Variants in MAGI2 observed in about 807,000 individuals in gnomAD.
MAGI2 encodes the protein membrane associated guanylate kinase, WW and PDZ domain containing 2.
A neutral mutation model predicts 133.3 loss-of-function variants in MAGI2; 35 were observed. That is an observed-to-expected ratio of 0.26 (90% CI 0.20 to 0.35). The LOEUF is 0.35. Ranked by LOEUF, MAGI2 falls within the 10% of genes least tolerant of loss-of-function variation. MAGI2 has a pLI of 1.00. For missense variants in MAGI2, 1,636 were observed against 1,863.4 expected (o/e 0.88, Z 2.25); for synonymous variants, 729 against 710.6 (o/e 1.03, Z -0.41).
intron 9 of MAGI2, among the ~76,000 whole-genome samples, chr7:78,291,180 G>C (rs1022201357): frequency 1.3e-5 from 2 of 151,992 alleles, no homozygotes; most frequent in African/African-American, 2.4e-5. Flanking sequence ...CTGATAGACC[G>C]CTAGCAAGAC....
chr7:78,037,802 A>G (rs916951332), intron 21 of MAGI2, among the ~76,000 whole-genome samples: 1 of 152,226 alleles, frequency 6.6e-6, no homozygotes, highest in Non-Finnish European at 1.5e-5. Flanking sequence ...ATGGCTGAAA[A>G]AAGATCTCAG....
intron 1 of MAGI2, among the ~76,000 whole-genome samples, chr7:79,343,622 TA>T (rs1158736373): frequency 2.6e-5 from 4 of 152,176 alleles, no homozygotes; most frequent in South Asian, 2.1e-4. Context: ...TATATTCTGT[TA>T]AAAAAATATT....
intron 1 of MAGI2, among the ~76,000 whole-genome samples, chr7:79,136,181 G>A (rs1173833229): frequency 6.6e-6 from 1 of 152,082 alleles, no homozygotes; most frequent in African/African-American, 2.4e-5. Context: ...ATTTACCAGA[G>A]GGAGATGAAA....
intron 20 of MAGI2, among the ~76,000 whole-genome samples, chr7:78,098,918 G>T (rs1000101397): frequency 2.0e-5 from 3 of 151,998 alleles, no homozygotes; most frequent in Non-Finnish European, 4.4e-5. Flanking sequence ...TAAGTACTTT[G>T]CCAATTTTTT....
chr7:79,365,382 C>T (rs2129127078), intron 1 of MAGI2, among the ~76,000 whole-genome samples: 1 of 145,962 alleles, frequency 6.9e-6, no homozygotes, highest in Admixed American at 6.9e-5. Flanking sequence ...ACATTTATTC[C>T]AGAAGAATAA....
intron 1 of MAGI2, among the ~76,000 whole-genome samples, chr7:79,110,675 CT>C (rs1487837412): frequency 6.6e-6 from 1 of 152,062 alleles, no homozygotes; most frequent in Non-Finnish European, 1.5e-5. Context: ...CTTTAGGGGA[CT>C]ATTGAGATGA....
At chr7:78,522,942 C>A (rs959151692) in intron 3 of MAGI2, among the ~76,000 whole-genome samples, 3 of 152,066 alleles carry the variant, frequency 2.0e-5, no homozygotes, top group African/African-American at 2.4e-5. Context: ...TCCTTGTCTT[C>A]CAAGATGCTC....
chr7:79,105,152 G>A (rs934092485), intron 1 of MAGI2, among the ~76,000 whole-genome samples: 6 of 152,180 alleles, frequency 3.9e-5, no homozygotes, highest in African/African-American at 7.2e-5. Context: ...GCAGTTATGC[G>A]AGTTTCATAT....
At chr7:78,948,436 G>A (rs180886447) in intron 2 of MAGI2, among the ~76,000 whole-genome samples, 136 of 152,002 alleles carry the variant, frequency 8.9e-4, no homozygotes, top group African/African-American at 3.1e-3. Flanking sequence ...TTTATACTCT[G>A]ATATGAAAGG....
chr7:78,980,425 C>T (rs955535885), intron 2 of MAGI2, among the ~76,000 whole-genome samples: 3 of 151,812 alleles, frequency 2.0e-5, no homozygotes, highest in Non-Finnish European at 2.9e-5. Context: ...GTACAGAGCA[C>T]GTACTTGGCC....
intron 20 of MAGI2, among the ~76,000 whole-genome samples, chr7:78,100,355 T>C (rs965493345): frequency 2.6e-5 from 4 of 152,106 alleles, no homozygotes; most frequent in Non-Finnish European, 5.9e-5. Context: ...TTGGGCCACT[T>C]CTTTTTTTCT....
At chr7:78,813,523 C>A (rs934000266) in intron 2 of MAGI2, among the ~76,000 whole-genome samples, 1 of 152,102 alleles carries the variant, frequency 6.6e-6, no homozygotes, top group African/African-American at 2.4e-5. Flanking sequence ...CGATGGCTCA[C>A]GCCTGTAATC....
intron 2 of MAGI2, among the ~76,000 whole-genome samples, chr7:78,663,948 G>A (rs917584976): frequency 6.6e-6 from 1 of 152,126 alleles, no homozygotes; most frequent in African/African-American, 2.4e-5. Context: ...ATAATACATT[G>A]CAACATTTTT....
At chr7:78,241,962 C>T (rs1016884570) in intron 10 of MAGI2, among the ~76,000 whole-genome samples, 4 of 149,622 alleles carry the variant, frequency 2.7e-5, no homozygotes, top group Non-Finnish European at 4.4e-5. Flanking sequence ...CACCTGATCA[C>T]CTGATGACGT....
intron 1 of MAGI2, among the ~76,000 whole-genome samples, chr7:79,069,801 T>C (rs557110294): frequency 6.6e-5 from 10 of 152,322 alleles, no homozygotes; most frequent in Non-Finnish European, 1.5e-4. Flanking sequence ...GCAGGCCTGG[T>C]GGTGACAAAA....
intron 2 of MAGI2, among the ~76,000 whole-genome samples, chr7:78,889,141 CAA>C (rs1796521598): frequency 6.6e-6 from 1 of 151,746 alleles, no homozygotes. Context: ...GGTGGAAGAT[CAA>C]ATTAATAAAA....
intron 9 of MAGI2, among the ~76,000 whole-genome samples, chr7:78,298,127 T>C (rs1054847434): frequency 3.9e-5 from 6 of 152,126 alleles, no homozygotes; most frequent in African/African-American, 1.4e-4. Context: ...ATAGTCTCAG[T>C]ATAATCATGA....
At chr7:78,324,846 T>A (rs798301) in intron 9 of MAGI2, among the ~76,000 whole-genome samples, 77,410 of 151,824 alleles carry the variant, frequency 0.51, 20,127 homozygotes, top group African/African-American at 0.56. Context: ...GGCGCCTGTA[T>A]TCCCAGCTAC....
At chr7:79,374,347 C>A (rs561001388) in intron 1 of MAGI2, among the ~76,000 whole-genome samples, 238 of 151,578 alleles carry the variant, frequency 1.6e-3, no homozygotes, top group Non-Finnish European at 2.8e-3. Flanking sequence ...CACACACACA[C>A]AAAAGACAAT....
Sources: allele counts gnomAD v4.1 joint callset (sites outside exome capture counted in the v4.1 genomes callset), GRCh38; gene constraint gnomAD v4.1.1; transcripts MANE v1.5; gene names NCBI Gene and HGNC (gene_info 2026-07-23, HGNC 2026-07-21).